Variants in GULP1 observed in about 807,000 individuals in gnomAD.
GULP1 encodes PTB domain-containing engulfment adapter protein 1.
In GULP1, 19 loss-of-function variants were observed where a neutral mutation model predicts 40.9. The observed-to-expected ratio is 0.46, with a 90% confidence interval of 0.32 to 0.68. The LOEUF is 0.68. Among genes scored for constraint, GULP1 ranks in the 30% least tolerant of loss-of-function variants. GULP1 has a pLI of 0.03. For synonymous variants in GULP1, 119 were observed against 117.6 expected (o/e 1.01, Z -0.08); for missense variants, 312 against 362.2 (o/e 0.86, Z 1.12).
chr2:188,416,018 C>G (rs976635289), intron 2 of GULP1, among the ~76,000 whole-genome samples: 1 of 151,980 alleles, frequency 6.6e-6, no homozygotes, highest in Non-Finnish European at 1.5e-5. Context: ...TATTTTTAAC[C>G]AATGAAAAGA....
At chr2:188,415,910 A>G (rs1418347465) in intron 2 of GULP1, among the ~76,000 whole-genome samples, 2 of 152,192 alleles carry the variant, frequency 1.3e-5, no homozygotes, top group Non-Finnish European at 2.9e-5. Flanking sequence ...AGTAACCAAG[A>G]TGCCCCAGTG....
chr2:188,447,339 GC>G (rs983598925), intron 2 of GULP1, among the ~76,000 whole-genome samples: 1 of 152,140 alleles, frequency 6.6e-6, no homozygotes, highest in African/African-American at 2.4e-5. Flanking sequence ...CCATCTTCCA[GC>G]CCCCATGATG....
chr2:188,475,093 C>T (rs766931320), intron 2 of GULP1, among the ~76,000 whole-genome samples: 4 of 152,056 alleles, frequency 2.6e-5, no homozygotes, highest in Admixed American at 6.6e-5. Context: ...GTATTATACA[C>T]GTTGGGGTAC....
At chr2:188,456,759 A>T (rs2059303310) in intron 2 of GULP1, among the ~76,000 whole-genome samples, 1 of 152,082 alleles carries the variant, frequency 6.6e-6, no homozygotes, top group African/African-American at 2.4e-5. Flanking sequence ...ATCTGCTGAG[A>T]GCTTGTACCG....
At chr2:188,371,695 G>C (rs2047621860) in intron 1 of GULP1, among the ~76,000 whole-genome samples, 1 of 151,660 alleles carries the variant, frequency 6.6e-6, no homozygotes, top group South Asian at 2.1e-4. Flanking sequence ...TAATAATTAA[G>C]TTAAGCAAGC....
At chr2:188,438,619 G>A (rs2057646037) in intron 2 of GULP1, among the ~76,000 whole-genome samples, 1 of 150,278 alleles carries the variant, frequency 6.7e-6, no homozygotes, top group Non-Finnish European at 1.5e-5. Context: ...CCAATTCTTT[G>A]TTCTCCTGCT....
intron 7 of GULP1, among the ~76,000 whole-genome samples, chr2:188,543,510 AATG>A (rs1263043952): frequency 8.5e-5 from 13 of 152,176 alleles, no homozygotes; most frequent in Non-Finnish European, 1.8e-4. Flanking sequence ...TGCTAATTAT[AATG>A]ATGACTATAT....
intron 7 of GULP1, among the ~76,000 whole-genome samples, chr2:188,556,070 GAAAA>G (rs1694678631): frequency 6.9e-6 from 1 of 144,626 alleles, no homozygotes; most frequent in Non-Finnish European, 1.5e-5. Context: ...AAAAAAAAAA[GAAAA>G]AGAAAAAGAA....
intron 1 of GULP1, among the ~76,000 whole-genome samples, chr2:188,296,328 AG>A (rs1171088613): frequency 6.6e-6 from 1 of 152,124 alleles, no homozygotes; most frequent in Non-Finnish European, 1.5e-5. Context: ...ATTGTTCCAG[AG>A]TAAGACTTAG....
Position 188,595,874 on chromosome 2 carries a change from T to C in GULP1, c.*1863T>C, listed in dbSNP as rs1704335700. 1 of 152,286 alleles carries C rather than the reference T, an allele frequency of 6.6e-6. No individual in the cohort carries two copies. The highest frequency in any genetic ancestry group is 1.5e-5 in the Non-Finnish European group (1 of 67,802). 9.4% of individuals were successfully genotyped at this position (152,286 alleles called of 1,614,324 possible). A position where few individuals can be genotyped will look rare whatever the true frequency, so the allele number is the denominator to read the frequency against. On this transcript the variant is annotated 3_prime_UTR_variant, in exon 12 of 12. Coordinates refer to ENST00000409830, the MANE Select transcript of GULP1 (RefSeq NM_016315.4). ...GATCTGGTTGAAAATTGTATTTCTA[T>C]GTAAACTCAACGATATGTTTGGTTT...
chr2:188,413,760 T>C (rs1260236287), intron 2 of GULP1, among the ~76,000 whole-genome samples: 1 of 152,170 alleles, frequency 6.6e-6, no homozygotes, highest in Non-Finnish European at 1.5e-5. Flanking sequence ...AATTGAAAGA[T>C]AGATGTGTTA....
At chr2:188,338,758 T>C (rs1476822850) in intron 1 of GULP1, among the ~76,000 whole-genome samples, 1 of 152,186 alleles carries the variant, frequency 6.6e-6, no homozygotes, top group African/African-American at 2.4e-5. Flanking sequence ...AAAATGTGTT[T>C]ATAATTTTCA....
Position 188,594,867 on chromosome 2 carries a change from T to G in GULP1, c.*856T>G, listed in dbSNP as rs2153480200. 6.6e-6 allele frequency: 1 copy of G among 151,880 alleles called. No individual in the cohort carries two copies. Among genetic ancestry groups the G allele is most frequent in the African/African-American group, 2.4e-5 (1 of 41,542 alleles). The allele number at this position is 151,880 out of a possible 1,614,324, so 9.4% of individuals were successfully genotyped here. On this transcript the variant is annotated 3_prime_UTR_variant, in exon 12 of 12. Coordinates refer to ENST00000409830, the MANE Select transcript of GULP1 (RefSeq NM_016315.4). ...CCCATATTTACTTTACCAAATATATTTCTCCTCACTGCATAAGGACTACTC... is the reference window on the plus strand; with the variant it reads ...CCCATATTTACTTTACCAAATATATGTCTCCTCACTGCATAAGGACTACTC...
chr2:188,438,361 AGATAT>A (rs1302400031), intron 2 of GULP1, among the ~76,000 whole-genome samples: 1 of 151,442 alleles, frequency 6.6e-6, no homozygotes. Context: ...ATATAGATAT[AGATAT>A]ATCACATGTA....
intron 1 of GULP1, among the ~76,000 whole-genome samples, chr2:188,350,050 T>C (rs978975274): frequency 5.9e-5 from 9 of 152,152 alleles, no homozygotes; most frequent in Non-Finnish European, 1.3e-4. Flanking sequence ...GATTTTCAAT[T>C]CTACTCCATT....
At chr2:188,501,367 T>C (rs557162293) in intron 4 of GULP1, among the ~76,000 whole-genome samples, 1 of 152,074 alleles carries the variant, frequency 6.6e-6, no homozygotes, top group East Asian at 1.9e-4. Flanking sequence ...TCTGCCATGA[T>C]TGTAAGTATC....
At chr2:188,568,488 A>G (rs1372097384) in intron 7 of GULP1, among the ~76,000 whole-genome samples, 1 of 152,212 alleles carries the variant, frequency 6.6e-6, no homozygotes, top group Non-Finnish European at 1.5e-5. Flanking sequence ...GTTTCAAATC[A>G]ATAGATCTGA....
At chr2:188,438,691 C>G (rs1045070525) in intron 2 of GULP1, among the ~76,000 whole-genome samples, 2 of 151,482 alleles carry the variant, frequency 1.3e-5, no homozygotes, top group Admixed American at 6.6e-5. Flanking sequence ...GTAAAGAAGG[C>G]ACAAAATAAA....
At chr2:188,485,950 GTATCTATGAAA>G in intron 4 of GULP1, among the ~76,000 whole-genome samples, 1 of 152,010 alleles carries the variant, frequency 6.6e-6, no homozygotes, top group East Asian at 1.9e-4. Flanking sequence ...GATGTTAATC[GTATCTATGAAA>G]TAACTTTACA....
Sources: gnomAD v4.1 joint callset for allele counts (sites outside exome capture counted in the v4.1 genomes callset) on GRCh38, gnomAD v4.1.1 for gene constraint, MANE v1.5 for transcripts, NCBI Gene and HGNC (gene_info 2026-07-23, HGNC 2026-07-21) for gene names.